The following TAFA2 variants were observed in gnomAD, a reference collection of about 807,000 sequenced individuals.
TAFA2 encodes chemokine-like protein TAFA-2.
In TAFA2, 7 loss-of-function variants were observed where a neutral mutation model predicts 18.8. The observed-to-expected ratio is 0.37, with a 90% CI of 0.21 to 0.70. The LOEUF is 0.70. Ranked by LOEUF, TAFA2 falls within the 30% of genes least tolerant of loss-of-function variation. The pLI, the probability that TAFA2 is intolerant of heterozygous loss-of-function variation, is 0.53. For missense variants in TAFA2, 122 were observed against 158.1 expected (o/e 0.77, Z 1.23); for synonymous variants, 60 against 54.2 (o/e 1.11, Z -0.47).
At chr12:61,738,329 A>ACACACACACACACC (rs1555198029) in intron 4 of TAFA2, among the ~76,000 whole-genome samples, 39 of 146,848 alleles carry the variant, frequency 2.7e-4, no homozygotes, top group East Asian at 7.9e-4. Context: ...ACACACACAC[A>ACACACACACACACC]AACCTAGCTC....
intron 2 of TAFA2, among the ~76,000 whole-genome samples, chr12:61,782,374 C>T (rs1045511676): frequency 6.6e-6 from 1 of 151,752 alleles, no homozygotes; most frequent in African/African-American, 2.4e-5. Flanking sequence ...CTTATTGTAA[C>T]CAGGCATTCC....
chr12:62,206,238 G>A (rs1592400387), intron 1 of TAFA2, among the ~76,000 whole-genome samples: 1 of 152,264 alleles, frequency 6.6e-6, no homozygotes, highest in East Asian at 1.9e-4. Context: ...GGAAAGCAGA[G>A]TATTCCCATC....
intron 1 of TAFA2, among the ~76,000 whole-genome samples, chr12:62,241,999 C>G (rs569858362): frequency 6.6e-6 from 1 of 152,194 alleles, no homozygotes; most frequent in African/African-American, 2.4e-5. Context: ...GCAGTGAAAG[C>G]CTTCCCCTCT....
chr12:61,778,008 T>A (rs1472123869), intron 2 of TAFA2, among the ~76,000 whole-genome samples: 8 of 151,804 alleles, frequency 5.3e-5, no homozygotes, highest in Non-Finnish European at 1.0e-4. Context: ...GCTCATTCTT[T>A]AGGGTCAAAT....
chr12:62,025,652 G>A (rs377403346), intron 1 of TAFA2, among the ~76,000 whole-genome samples: 1 of 151,992 alleles, frequency 6.6e-6, no homozygotes, highest in Non-Finnish European at 1.5e-5. Context: ...TTTTACAATT[G>A]CTATTGTAAA....
At chr12:62,071,123 G>T in intron 1 of TAFA2, among the ~76,000 whole-genome samples, 1 of 152,198 alleles carries the variant, frequency 6.6e-6, no homozygotes, top group East Asian at 1.9e-4. Context: ...AATCTGTGGA[G>T]TTCCTCTCAT....
At chr12:62,026,723 A>G (rs148906185) in intron 1 of TAFA2, among the ~76,000 whole-genome samples, 61 of 152,224 alleles carry the variant, frequency 4.0e-4, no homozygotes, top group Admixed American at 1.9e-3. Flanking sequence ...AAAGGTTTCC[A>G]TTTCTAAAAA....
intron 1 of TAFA2, among the ~76,000 whole-genome samples, chr12:62,124,484 T>A (rs910047540): frequency 1.3e-5 from 2 of 151,712 alleles, no homozygotes; most frequent in African/African-American, 4.8e-5. Context: ...ATAACAGAAA[T>A]GTAACTTATA....
chr12:62,202,685 C>A (rs139158789), intron 1 of TAFA2, among the ~76,000 whole-genome samples: 1,531 of 152,236 alleles, frequency 0.01, 21 homozygotes, highest in African/African-American at 0.03. Context: ...GCTTTAACTG[C>A]ATCCCAGAGA....
At chr12:62,235,454 G>A (rs995331855) in intron 1 of TAFA2, 10 of 605,798 alleles carry the variant, frequency 1.7e-5, no homozygotes, top group Non-Finnish European at 2.4e-5. Context: ...CTGGTGCGCC[G>A]CCTGCCACTG....
intron 1 of TAFA2, among the ~76,000 whole-genome samples, chr12:62,002,991 T>A (rs11830499): frequency 0.27 from 40,543 of 151,914 alleles, 5,854 homozygotes; most frequent in Non-Finnish European, 0.33. Flanking sequence ...CTACCCTTCT[T>A]ACTCAGATTA....
chr12:62,216,785 T>A (rs552849298), intron 1 of TAFA2, among the ~76,000 whole-genome samples: 50 of 152,368 alleles, frequency 3.3e-4, no homozygotes, highest in African/African-American at 1.0e-3. Context: ...CCCTCTGACA[T>A]AATGTATTTC....
chr12:62,086,605 A>C (rs1309232748), intron 1 of TAFA2, among the ~76,000 whole-genome samples: 1 of 152,248 alleles, frequency 6.6e-6, no homozygotes, highest in Middle Eastern at 3.4e-3. Flanking sequence ...ATACCACTTC[A>C]TACATATAAA....
At chr12:61,923,379 G>C (rs973370308) in intron 1 of TAFA2, among the ~76,000 whole-genome samples, 1 of 152,178 alleles carries the variant, frequency 6.6e-6, no homozygotes, top group Non-Finnish European at 1.5e-5. Flanking sequence ...TGGGATGAAA[G>C]TTCGAGAGGA....
chr12:62,168,399 A>T (rs2062454221), intron 1 of TAFA2, among the ~76,000 whole-genome samples: 1 of 152,238 alleles, frequency 6.6e-6, no homozygotes, highest in African/African-American at 2.4e-5. Flanking sequence ...AAAACAGAGA[A>T]CAAATAAAGA....
intron 1 of TAFA2, among the ~76,000 whole-genome samples, chr12:62,199,470 T>C (rs111773922): frequency 2.0e-5 from 3 of 152,128 alleles, no homozygotes; most frequent in Admixed American, 1.3e-4. Context: ...TTTGGTGTTC[T>C]GTTCCTGTGT....
intron 1 of TAFA2, among the ~76,000 whole-genome samples, chr12:62,156,207 C>A (rs1240661066): frequency 2.6e-5 from 4 of 152,212 alleles, no homozygotes; most frequent in Non-Finnish European, 5.9e-5. Context: ...CTCAACATCA[C>A]TAATGATTAG....
intron 1 of TAFA2, among the ~76,000 whole-genome samples, chr12:62,222,777 G>A (rs1353345660): frequency 2.6e-5 from 4 of 151,808 alleles, no homozygotes; most frequent in African/African-American, 9.7e-5. Flanking sequence ...GCCTCCCAAA[G>A]TGCTGGGATT....
chr12:61,986,577 G>A (rs1286283700), intron 1 of TAFA2, among the ~76,000 whole-genome samples: 1 of 151,876 alleles, frequency 6.6e-6, no homozygotes, highest in African/African-American at 2.4e-5. Context: ...GGGATTACAG[G>A]CATGAGCCAC....
Sources: allele counts gnomAD v4.1 joint callset (sites outside exome capture counted in the v4.1 genomes callset), GRCh38; gene constraint gnomAD v4.1.1; transcripts MANE v1.5; gene names NCBI Gene and HGNC (gene_info 2026-07-23, HGNC 2026-07-21).